The following COL25A1 variants were observed in gnomAD, a reference collection of about 807,000 sequenced individuals.
The protein encoded by COL25A1 is collagen type XXV alpha 1 chain, also known as collagen alpha-1(XXV) chain.
Under a neutral mutation model 128.4 loss-of-function variants are expected in COL25A1, and 103 were observed. The observed-to-expected ratio is 0.80, with a 90% CI of 0.68 to 0.94. COL25A1 has a LOEUF of 0.94. Ranked by LOEUF, COL25A1 falls within the 40% of genes least tolerant of loss-of-function variation. The probability of loss-of-function intolerance (pLI) is 0.00; values close to 1 mark genes in which losing one functional copy is unlikely to be tolerated. For synonymous variants in COL25A1, 279 were observed against 277.2 expected, an observed-to-expected ratio of 1.01 and a Z score of -0.06; for missense variants, 745 against 840.0, an observed-to-expected ratio of 0.89 and a Z score of 1.40.
At chr4:108,855,387 T>TG (rs369764402) in intron 24 of COL25A1, among the ~76,000 whole-genome samples, 36 of 150,578 alleles carry the variant, frequency 2.4e-4, no homozygotes, top group African/African-American at 8.3e-4. Context: ...ACTTTTTTTT[T>TG]GTTGTTCCTA....
At chr4:109,287,363 A>G (rs1723989452) in intron 3 of COL25A1, among the ~76,000 whole-genome samples, 2 of 152,098 alleles carry the variant, frequency 1.3e-5, no homozygotes, top group Non-Finnish European at 2.9e-5. Flanking sequence ...AGTAAGTCAC[A>G]ATAAACATTT....
Position 108,846,122 on chromosome 4 carries a change from A to G in COL25A1, c.1515+17T>C, listed in dbSNP as rs759989484. 5 of 1,531,244 alleles carry G rather than the reference A, an allele frequency of 3.3e-6. No homozygotes were observed. The South Asian group carries it at 5.6e-5, about 17-fold the overall frequency. The allele number at this position is 1,531,244 out of a possible 1,614,324, so 94.9% of individuals were successfully genotyped here. On this transcript the variant is annotated intron_variant, in intron 28 of 37. Transcript: ENST00000399132. ...CATAATATAAAAAGTATAAACAAACAGAAAGTATAAACATACCGGTAATCC... is the reference window on the plus strand; with the variant it reads ...CATAATATAAAAAGTATAAACAAACGGAAAGTATAAACATACCGGTAATCC...
At chr4:108,820,805 T>G (rs1384330658) in intron 35 of COL25A1, among the ~76,000 whole-genome samples, 1 of 151,824 alleles carries the variant, frequency 6.6e-6, no homozygotes, top group East Asian at 1.9e-4. Context: ...ATAGTGGGAA[T>G]GTAGCTATGG....
intron 35 of COL25A1, among the ~76,000 whole-genome samples, chr4:108,820,503 C>T (rs1731665194): frequency 6.6e-6 from 1 of 152,074 alleles, no homozygotes; most frequent in Non-Finnish European, 1.5e-5. Context: ...TTTGTTACAG[C>T]AAAACTTTTT....
intron 8 of COL25A1, among the ~76,000 whole-genome samples, chr4:108,948,200 A>T (rs916966181): frequency 6.6e-6 from 1 of 152,222 alleles, no homozygotes; most frequent in Admixed American, 6.5e-5. Flanking sequence ...GAAAGAAAAG[A>T]ATTTAAGAGA....
intron 3 of COL25A1, among the ~76,000 whole-genome samples, chr4:109,226,497 A>G (rs1778811656): frequency 6.6e-6 from 1 of 152,168 alleles, no homozygotes; most frequent in South Asian, 2.1e-4. Context: ...ATATCAATCA[A>G]GGCTTATCTC....
At chr4:108,952,635 G>T (rs995596925) in intron 8 of COL25A1, among the ~76,000 whole-genome samples, 2 of 151,986 alleles carry the variant, frequency 1.3e-5, no homozygotes, top group Admixed American at 6.6e-5. Flanking sequence ...AAAACCCAGG[G>T]TGCTCTTCAG....
chr4:109,026,542 G>A (rs1440893797), intron 5 of COL25A1, among the ~76,000 whole-genome samples: 3 of 152,216 alleles, frequency 2.0e-5, no homozygotes, highest in Admixed American at 6.5e-5. Context: ...TCAGAGGCTG[G>A]TTATAGACTT....
At chr4:109,208,067 C>T (rs1169913851) in intron 3 of COL25A1, among the ~76,000 whole-genome samples, 2 of 152,142 alleles carry the variant, frequency 1.3e-5, no homozygotes, top group Non-Finnish European at 2.9e-5. Flanking sequence ...GAAAGAGACA[C>T]GCATATATAC....
intron 31 of COL25A1, among the ~76,000 whole-genome samples, chr4:108,838,654 T>C (rs909312820): frequency 1.3e-5 from 2 of 152,216 alleles, no homozygotes; most frequent in Non-Finnish European, 2.9e-5. Context: ...ACGTAGCAGC[T>C]GATGTTTGAA....
intron 3 of COL25A1, among the ~76,000 whole-genome samples, chr4:109,223,253 A>G (rs1304834075): frequency 2.0e-5 from 3 of 152,172 alleles, no homozygotes; most frequent in African/African-American, 7.2e-5. Context: ...CAGGTCACCA[A>G]TGTGGACTTA....
intron 3 of COL25A1, among the ~76,000 whole-genome samples, chr4:109,075,835 TCTAA>T (rs764996105): frequency 2.8e-4 from 43 of 152,246 alleles, no homozygotes; most frequent in Non-Finnish European, 5.4e-4. Flanking sequence ...TCCTGAGAAT[TCTAA>T]CTGACAATGC....
chr4:108,961,642 G>GTTCTGTTCTGTTCTGTTCTGTTCTGTTC (rs1166657898), intron 8 of COL25A1, among the ~76,000 whole-genome samples: 1 of 111,014 alleles, frequency 9.0e-6, no homozygotes, highest in Admixed American at 8.9e-5. Flanking sequence ...GTGTTGTGCT[G>GTTCTGTTCTGTTCTGTTCTGTTCTGTTC]TGTTGTGTTG....
intron 3 of COL25A1, among the ~76,000 whole-genome samples, chr4:109,131,342 G>T (rs140193854): frequency 6.6e-6 from 1 of 152,036 alleles, no homozygotes; most frequent in Non-Finnish European, 1.5e-5. Flanking sequence ...TATGTGGTTC[G>T]CATTGTATTT....
intron 26 of COL25A1, among the ~76,000 whole-genome samples, chr4:108,849,430 A>C (rs1735515222): frequency 6.6e-6 from 1 of 152,216 alleles, no homozygotes; most frequent in South Asian, 2.1e-4. Context: ...AATGAACTAA[A>C]ATTTACTATT....
At position 109,066,025 on chromosome 4, in the gene COL25A1, C is replaced by T. The variant is rs1579256319; in HGVS notation, c.368-15846G>A. Among the ~76,000 whole-genome samples, 7 of 152,264 alleles carry T rather than the reference C, an allele frequency of 4.6e-5. No individual in the cohort carries two copies. In the Middle Eastern group the frequency reaches 0.024, roughly 518 times the overall value. On this transcript the variant is annotated intron_variant, in intron 3 of 37. Transcript: ENST00000399132. ...ATCAAAGTCTTCTTTACATGCCCCA[C>T]CTGCCCTGGGGTGGTGCATACATCA...
intron 3 of COL25A1, among the ~76,000 whole-genome samples, chr4:109,080,488 A>G (rs909821172): frequency 1.3e-5 from 2 of 152,212 alleles, no homozygotes; most frequent in Non-Finnish European, 2.9e-5. Context: ...AAAGTGTTCT[A>G]CTGTAAAAAT....
rs577656724 is a variant in COL25A1 at position 109,294,765 on chromosome 4, G to A, written c.367+5818C>T. Among the ~76,000 whole-genome samples the A allele has an allele frequency of 1.2e-4, 19 of 152,116 alleles. 1 individual carries two copies. The South Asian group carries it at 2.7e-3, about 22-fold the overall frequency. ...ACCTTTTTCATGATAGGTTCTGGAC[G>A]GTTTCCACTCAGGATAACATAGATT... On this transcript the variant is annotated intron_variant, in intron 3 of 37. Transcript: ENST00000399132.
intron 11 of COL25A1, among the ~76,000 whole-genome samples, chr4:108,925,019 C>T (rs1745890042): frequency 6.6e-6 from 1 of 152,004 alleles, no homozygotes; most frequent in Non-Finnish European, 1.5e-5. Flanking sequence ...TTCTTTATTC[C>T]CTCTAAATTA....
Sources: allele counts gnomAD v4.1 joint callset (sites outside exome capture counted in the v4.1 genomes callset), GRCh38; gene constraint gnomAD v4.1.1; transcripts MANE v1.5; gene names NCBI Gene and HGNC (gene_info 2026-07-23, HGNC 2026-07-21).